NAA35: variants seen among roughly 807,000 people sequenced by gnomAD.
The protein encoded by NAA35 is N-alpha-acetyltransferase 35, NatC auxiliary subunit, also known as MAK10 homolog, amino-acid N-acetyltransferase subunit.
In NAA35, 18 loss-of-function variants were observed where a neutral mutation model predicts 101.7. The observed-to-expected ratio is 0.18, with a 90% CI of 0.12 to 0.26. NAA35 has a LOEUF of 0.26. NAA35 is among the 10% of genes least tolerant of loss of function. The pLI, the probability that NAA35 is intolerant of heterozygous loss-of-function variation, is 1.00. For missense variants in NAA35, 601 were observed against 886.8 expected, an observed-to-expected ratio of 0.68 and a Z score of 4.09; for synonymous variants, 267 against 273.1, an observed-to-expected ratio of 0.98 and a Z score of 0.22.
At chr9:85,962,490 CAAAAAAAAA>C (rs781302881) in intron 6 of NAA35, among the ~76,000 whole-genome samples, 2 of 85,928 alleles carry the variant, frequency 2.3e-5, no homozygotes, top group African/African-American at 4.9e-5. Flanking sequence ...GACTCTGTCT[CAAAAAAAAA>C]AAAAAAAAAA....
Position 86,017,369 on chromosome 9 carries a change from A to G in NAA35, c.1706-129A>G, listed in dbSNP as rs932702994. On this transcript the variant is annotated intron_variant, in intron 18 of 22. Transcript: ENST00000361671. ...TGACCATAAATAAAATTTAACCTGT[A>G]GGAACACACTGAAGTTTTAATTTAG... is the stretch of plus-strand genomic sequence containing the variant. 3.4e-5 allele frequency: 23 copies of G among 682,264 alleles called. No homozygotes were observed. In the East Asian group the frequency reaches 3.6e-4, roughly 11 times the overall value. 42.3% of individuals were successfully genotyped at this position (682,264 alleles called of 1,614,324 possible).
At chr9:85,960,383 G>C (rs1564290911) in intron 5 of NAA35, among the ~76,000 whole-genome samples, 1 of 151,812 alleles carries the variant, frequency 6.6e-6, no homozygotes. Flanking sequence ...CCCACTTTCT[G>C]ACCATCCCTT....
At chr9:85,981,586 C>T (rs1028486524) in intron 11 of NAA35, among the ~76,000 whole-genome samples, 13 of 152,116 alleles carry the variant, frequency 8.5e-5, no homozygotes, top group African/African-American at 2.7e-4. Flanking sequence ...TCCTCTATTA[C>T]TCTGGTTTTA....
intron 11 of NAA35, among the ~76,000 whole-genome samples, chr9:85,984,779 T>G (rs1221086615): frequency 6.6e-6 from 1 of 152,060 alleles, no homozygotes; most frequent in Non-Finnish European, 1.5e-5. Context: ...GAAAGAAAAG[T>G]CTTTTCATCA....
chr9:85,980,835 T>G (rs1263157969), intron 11 of NAA35, among the ~76,000 whole-genome samples: 1 of 152,188 alleles, frequency 6.6e-6, no homozygotes, highest in Non-Finnish European at 1.5e-5. Flanking sequence ...TATCCTTTTT[T>G]CGCCCCTCAA....
At chr9:85,988,412 C>A (rs1395264719) in intron 11 of NAA35, among the ~76,000 whole-genome samples, 1 of 152,102 alleles carries the variant, frequency 6.6e-6, no homozygotes, top group Non-Finnish European at 1.5e-5. Flanking sequence ...GTAAAAGTGA[C>A]CAGGCAGAGT....
At chr9:85,959,318 T>G (rs961381571) in intron 4 of NAA35, among the ~76,000 whole-genome samples, 1 of 150,848 alleles carries the variant, frequency 6.6e-6, no homozygotes, top group South Asian at 2.1e-4. Flanking sequence ...GGAGCTTGCA[T>G]TGAGCCGAGA....
At chr9:85,957,488 T>G (rs1289268949) in intron 3 of NAA35, among the ~76,000 whole-genome samples, 1 of 152,130 alleles carries the variant, frequency 6.6e-6, no homozygotes, top group African/African-American at 2.4e-5. Flanking sequence ...AGAACTCACC[T>G]CCCTGGGAGG....
chr9:86,023,534 T>C lies in NAA35; in HGVS notation c.*1574T>C, dbSNP rs1414272500. ...AGAAAGCTGAGAAATTATTATTCTT[T>C]CCCAGTGGCCAAGATACAAAGTATA... On this transcript the variant is annotated 3_prime_UTR_variant, in exon 23 of 23. Transcript: ENST00000361671. Among the ~76,000 whole-genome samples the C allele has an allele frequency of 1.3e-5, 2 of 152,176 alleles. No individual in the cohort carries two copies. The highest frequency in any genetic ancestry group is 2.9e-5 in the Non-Finnish European group (2 of 68,038).
intron 6 of NAA35, among the ~76,000 whole-genome samples, chr9:85,966,901 G>A (rs951463532): frequency 6.6e-6 from 1 of 152,206 alleles, no homozygotes; most frequent in Non-Finnish European, 1.5e-5. Context: ...GAGGTCAGGA[G>A]TTCGAGACCA....
chr9:85,948,937 A>C (rs1019868675), intron 2 of NAA35, among the ~76,000 whole-genome samples: 5 of 151,866 alleles, frequency 3.3e-5, no homozygotes, highest in African/African-American at 1.2e-4. Flanking sequence ...TTGTATTTTT[A>C]GTAGAGATGG....
chr9:85,971,381 T>G (rs1829992638), intron 6 of NAA35, among the ~76,000 whole-genome samples: 1 of 152,166 alleles, frequency 6.6e-6, no homozygotes, highest in South Asian at 2.1e-4. Flanking sequence ...TTAATACCAG[T>G]CTTTTGGATT....
At chr9:86,005,678 C>A (rs1831603057) in intron 13 of NAA35, among the ~76,000 whole-genome samples, 1 of 151,976 alleles carries the variant, frequency 6.6e-6, no homozygotes, top group Non-Finnish European at 1.5e-5. Context: ...ATTCTATATA[C>A]TTGAAATGAA....
chr9:85,989,646 C>T (rs2118188735), intron 11 of NAA35, among the ~76,000 whole-genome samples: 1 of 152,216 alleles, frequency 6.6e-6, no homozygotes, highest in South Asian at 2.1e-4. Context: ...AGACTGAAAT[C>T]AGGAATGAAA....
chr9:86,015,888 G>A (rs1832187572), intron 17 of NAA35: 1 of 494,508 alleles, frequency 2.0e-6, no homozygotes, highest in African/African-American at 2.1e-5. Flanking sequence ...TAGGGTGGCA[G>A]GGAACAAAAT....
intron 2 of NAA35, among the ~76,000 whole-genome samples, chr9:85,950,722 T>A (rs187516476): frequency 6.6e-6 from 1 of 152,234 alleles, no homozygotes; most frequent in South Asian, 2.1e-4. Context: ...TACAGCAGTT[T>A]CCAAACTTTT....
At chr9:86,007,611 T>C in intron 14 of NAA35, 147 bp downstream of exon 14, 2 of 548,496 alleles carry the variant, frequency 3.6e-6, no homozygotes, top group Admixed American at 3.4e-5. Context: ...TTAATTGATC[T>C]CTGCCACATT....
At chr9:85,962,505 A>AAAAAAT (rs386415346) in intron 6 of NAA35, among the ~76,000 whole-genome samples, 3 of 151,522 alleles carry the variant, frequency 2.0e-5, no homozygotes, top group Non-Finnish European at 4.4e-5. Context: ...AAAAAAAAAA[A>AAAAAAT]AAAAGAAAGA....
chr9:85,972,438 C>T (rs7875074), intron 6 of NAA35, among the ~76,000 whole-genome samples: 53 of 146,898 alleles, frequency 3.6e-4, no homozygotes, highest in African/African-American at 1.2e-3. Context: ...GAGCCCAGAG[C>T]GGGGTGGAGG....
Sources: gnomAD v4.1 joint callset for allele counts (sites outside exome capture counted in the v4.1 genomes callset) on GRCh38, gnomAD v4.1.1 for gene constraint, MANE v1.5 for transcripts, NCBI Gene and HGNC (gene_info 2026-07-23, HGNC 2026-07-21) for gene names.